The following ERI1 variants were observed in gnomAD, a reference collection of about 807,000 sequenced individuals.
ERI1 encodes 3'-5' exoribonuclease 1.
In ERI1, 39 loss-of-function variants were observed where a neutral mutation model predicts 39.7. The ratio of observed to expected loss-of-function variants is 0.98; its 90% CI spans 0.76 to 1.28. The LOEUF is 1.28. ERI1 is among the 50% of genes most tolerant of loss of function. The probability of loss-of-function intolerance (pLI) is 0.00; values close to 1 mark genes in which losing one functional copy is unlikely to be tolerated. For synonymous variants in ERI1, 204 were observed against 149.6 expected (o/e 1.36, Z -2.65); for missense variants, 581 against 416.9 (o/e 1.39, Z -3.43).
At chr8:9,003,213 C>A (rs1436065060) in intron 1 of ERI1, 42 bp downstream of exon 1, 2 of 1,194,074 alleles carry the variant, frequency 1.7e-6, no homozygotes, top group Non-Finnish European at 2.1e-6. Context: ...GCCAGCTGCC[C>A]CGTCCCCAAA....
intron 3 of ERI1, among the ~76,000 whole-genome samples, chr8:9,073,955 T>A (rs1008945084): frequency 6.6e-6 from 1 of 152,202 alleles, no homozygotes; most frequent in Non-Finnish European, 1.5e-5. Flanking sequence ...ATTTATTTTT[T>A]AATTTTTATC....
At chr8:9,063,021 C>T (rs1798756789) in intron 3 of ERI1, among the ~76,000 whole-genome samples, 1 of 152,150 alleles carries the variant, frequency 6.6e-6, no homozygotes, top group Non-Finnish European at 1.5e-5. Flanking sequence ...GGAATTGCAA[C>T]TCAGAAATAT....
At chr8:9,085,170 C>T (rs891218447) in intron 3 of ERI1, among the ~76,000 whole-genome samples, 2 of 152,068 alleles carry the variant, frequency 1.3e-5, no homozygotes, top group Non-Finnish European at 2.9e-5. Context: ...TCTGTGCCCA[C>T]CGCTTTTTTT....
Position 9,016,360 on chromosome 8 carries a change from C to T in ERI1, c.537C>T (p.Asn179=). The T allele has an allele frequency of 6.2e-7, 1 of 1,607,612 alleles. No individual in the cohort carries two copies. Among genetic ancestry groups the T allele is most frequent in the Non-Finnish European group, 8.5e-7 (1 of 1,176,714 alleles). The part of the protein sequence containing the change: ...TFQQYVRPEI[N]TQLSDFCISL... ...AGCAGTATGTAAGACCAGAGATTAA[C>T]ACACAGCTGTCTGATTTCTGCATCA... is the stretch of plus-strand genomic sequence containing the variant. Residue 179 remains asparagine, a synonymous_variant, in exon 4 of 7, where the codon AAC becomes AAT. Coordinates refer to ENST00000250263, the MANE Select transcript of ERI1 (RefSeq NM_153332.4).
chr8:9,086,216 C>A (rs561236008), intron 3 of ERI1, among the ~76,000 whole-genome samples: 1 of 152,086 alleles, frequency 6.6e-6, no homozygotes, highest in Non-Finnish European at 1.5e-5. Flanking sequence ...GAGTTCAGGA[C>A]CAGCCTGGAC....
Position 9,030,079 on chromosome 8 carries a change from G to C in ERI1, c.*45G>C, listed in dbSNP as rs1443316713. On this transcript the variant is annotated 3_prime_UTR_variant, in exon 7 of 7. Coordinates refer to ENST00000250263, the MANE Select transcript of ERI1 (RefSeq NM_153332.4). Reference sequence around the variant, plus strand: ...TCATTCCAATTGAAGTTGCTATGAAGAGGTAGCAGATGAATCTCATTGAAT... The same window carrying C: ...TCATTCCAATTGAAGTTGCTATGAACAGGTAGCAGATGAATCTCATTGAAT... 1 of 1,603,118 alleles carries C rather than the reference G, an allele frequency of 6.2e-7. No homozygotes were observed. Among genetic ancestry groups the C allele is most frequent in the Admixed American group, 1.7e-5 (1 of 59,740 alleles).
At chr8:9,005,504 G>GT (rs911960186) in intron 1 of ERI1, among the ~76,000 whole-genome samples, 1 of 147,540 alleles carries the variant, frequency 6.8e-6, no homozygotes, top group Non-Finnish European at 1.5e-5. Flanking sequence ...TTCAACAACA[G>GT]TTTTTTTATG....
chr8:9,087,085 A>G (rs1485965507), intron 3 of ERI1, among the ~76,000 whole-genome samples: 2 of 151,836 alleles, frequency 1.3e-5, no homozygotes, highest in Non-Finnish European at 2.9e-5. Flanking sequence ...CAGAATGTGC[A>G]GGTTTGTTAC....
chr8:9,004,019 T>TGCC (rs1243000838), intron 1 of ERI1: 70 of 1,210,314 alleles, frequency 5.8e-5, no homozygotes, highest in Non-Finnish European at 7.1e-5. Context: ...CGGGGTCGGG[T>TGCC]GCCTGCCTCC....
At chr8:9,067,535 G>A (rs975907910) in intron 3 of ERI1, among the ~76,000 whole-genome samples, 8 of 151,012 alleles carry the variant, frequency 5.3e-5, no homozygotes, top group Non-Finnish European at 1.2e-4. Flanking sequence ...TACACCTATT[G>A]TCCTAGCTAC....
intron 2 of ERI1, among the ~76,000 whole-genome samples, chr8:9,010,533 A>C (rs181622931): frequency 1.2e-4 from 19 of 152,328 alleles, no homozygotes; most frequent in Admixed American, 1.0e-3. Flanking sequence ...TTCAGTGCTT[A>C]ATTGTATTTT....
chr8:9,044,823 C>T (rs1798127683), intron 3 of ERI1, among the ~76,000 whole-genome samples: 4 of 152,040 alleles, frequency 2.6e-5, no homozygotes, highest in Non-Finnish European at 5.9e-5. Flanking sequence ...CCAAACCTGC[C>T]CTTGACTCTC....
intron 1 of ERI1, among the ~76,000 whole-genome samples, chr8:9,006,736 G>C (rs1450917740): frequency 1.3e-5 from 2 of 151,900 alleles, no homozygotes; most frequent in African/African-American, 4.8e-5. Flanking sequence ...TTAATTTATG[G>C]ACAGTTCACA....
chr8:9,007,667 A>G (rs548467187), intron 1 of ERI1, among the ~76,000 whole-genome samples: 78 of 152,294 alleles, frequency 5.1e-4, no homozygotes, highest in Middle Eastern at 3.4e-3. Context: ...TATTTCTAGT[A>G]AATAGTCAGC....
intron 3 of ERI1, among the ~76,000 whole-genome samples, chr8:9,089,604 G>A (rs1042787439): frequency 6.6e-6 from 1 of 152,194 alleles, no homozygotes; most frequent in Non-Finnish European, 1.5e-5. Flanking sequence ...GGAGACTCCT[G>A]GCTCTACCTT....
chr8:9,058,742 C>A (rs769727067), intron 3 of ERI1, among the ~76,000 whole-genome samples: 11 of 152,060 alleles, frequency 7.2e-5, no homozygotes, highest in Admixed American at 3.3e-4. Context: ...GTTAGAACAA[C>A]TCAGCAAAAT....
At chr8:9,052,690 T>A (rs1798397934) in intron 3 of ERI1, among the ~76,000 whole-genome samples, 1 of 152,174 alleles carries the variant, frequency 6.6e-6, no homozygotes, top group African/African-American at 2.4e-5. Context: ...AAAACACATT[T>A]CAGAACTATG....
At chr8:9,084,567 C>T (rs73662294) in intron 3 of ERI1, among the ~76,000 whole-genome samples, 1,589 of 152,272 alleles carry the variant, frequency 0.01, 23 homozygotes, top group African/African-American at 0.036. Context: ...AAAGTCAGAC[C>T]TTCTTGCTGC....
intron 3 of ERI1, among the ~76,000 whole-genome samples, chr8:9,052,103 A>G (rs1483184370): frequency 6.6e-6 from 1 of 152,228 alleles, no homozygotes; most frequent in East Asian, 1.9e-4. Flanking sequence ...CCTTCAGTAA[A>G]TGTTAGCCGT....
Sources: gnomAD v4.1 joint callset for allele counts (sites outside exome capture counted in the v4.1 genomes callset) on GRCh38, gnomAD v4.1.1 for gene constraint, MANE v1.5 for transcripts, NCBI Gene and HGNC (gene_info 2026-07-23, HGNC 2026-07-21) for gene names.